Variants in PWP1 observed in about 807,000 individuals in gnomAD.
PWP1 encodes PWP1 homolog, endonuclein, also known as periodic tryptophan protein 1 homolog.
In PWP1, 47 loss-of-function variants were observed where a neutral mutation model predicts 69.9. That is an observed-to-expected ratio of 0.67 (90% CI 0.53 to 0.86). The LOEUF is 0.86. Ranked by LOEUF, PWP1 falls within the 40% of genes least tolerant of loss-of-function variation. PWP1 has a pLI of 0.00. For missense variants in PWP1, 551 were observed against 608.8 expected, an observed-to-expected ratio of 0.91 and a Z score of 1.00; for synonymous variants, 222 against 208.2, an observed-to-expected ratio of 1.07 and a Z score of -0.57.
chr12:107,688,660 A>G lies in PWP1; in HGVS notation c.177A>G (p.Ser59=). 4 of 1,614,238 alleles carry G rather than the reference A, an allele frequency of 2.5e-6. No homozygotes were observed. Among genetic ancestry groups the G allele is most frequent in the Non-Finnish European group, 3.4e-6 (4 of 1,180,028 alleles). The change falls in exon 3 of 15, where the codon TCA becomes TCG. Residue 59 remains serine (S), a synonymous_variant. Transcript: ENST00000412830. ...ATGAAGAGGAGACAGGCAGTCCTTC[A>G]GAAGATGGCATGCAGAGTGCACGCA... ...GSDEEETGSP[S]EDGMQSARTQ...
chr12:107,704,446 T>A (rs1889772768), intron 10 of PWP1, among the ~76,000 whole-genome samples, 190 bp from the exon 11 acceptor site: 1 of 152,228 alleles, frequency 6.6e-6, no homozygotes, highest in African/African-American at 2.4e-5. Flanking sequence ...ACCAGTGCCT[T>A]CAAGTGTTAA....
intron 11 of PWP1, among the ~76,000 whole-genome samples, chr12:107,707,007 C>T (rs1193473938): frequency 6.6e-6 from 1 of 152,018 alleles, no homozygotes; most frequent in Admixed American, 6.6e-5. Flanking sequence ...GCTATTTTCA[C>T]AATATTGATT....
chr12:107,692,928 T>C (rs1466224921), intron 4 of PWP1, 29 bp downstream of exon 4: 2 of 1,612,356 alleles, frequency 1.2e-6, no homozygotes, highest in African/African-American at 2.7e-5. Context: ...TTTCTAATTA[T>C]GCTCTTAAGT....
rs534781992 is a variant in PWP1, at chr12:107,693,000, G to T, written c.406G>T (p.Glu136Ter). ...QDPYVTLKDT[E>*]QYEREDFLIK... ...ATGACATTTTTTTCCTCTCACTTAG[G>T]AACAATATGAACGTGAAGATTTCTT... The change falls in exon 5 of 15, where the codon GAA (glutamate) becomes TAA (stop). Residue 136 changes from glutamate (E) to a stop codon, truncating the protein, a stop_gained and splice_region_variant. Coordinates refer to ENST00000412830, the MANE Select transcript of PWP1 (RefSeq NM_007062.3). LOFTEE classifies it high-confidence loss of function. 2 of 1,613,928 alleles carry T rather than the reference G, an allele frequency of 1.2e-6. No homozygotes were observed. Among genetic ancestry groups the T allele is most frequent in the African/African-American group, 2.7e-5 (2 of 74,996 alleles).
chr12:107,686,281 C>T (rs987403350), intron 1 of PWP1: 22 of 483,174 alleles, frequency 4.6e-5, no homozygotes, highest in Non-Finnish European at 7.6e-5. Flanking sequence ...TGGGTAATAC[C>T]CCAAAAGGCT....
At chr12:107,686,315 C>T (rs1267936165) in intron 1 of PWP1, among the ~76,000 whole-genome samples, 1 of 152,212 alleles carries the variant, frequency 6.6e-6, no homozygotes, top group Non-Finnish European at 1.5e-5. Flanking sequence ...ACTAGCTTCA[C>T]TAGCACCCAA....
intron 11 of PWP1, among the ~76,000 whole-genome samples, chr12:107,705,202 C>T (rs1005737424): frequency 6.6e-6 from 1 of 151,972 alleles, no homozygotes; most frequent in Non-Finnish European, 1.5e-5. Context: ...TCTAAATACC[C>T]TTATTATCTA....
rs768859333 is a variant in PWP1 at position 107,696,519 on chromosome 12, T to G, written c.548T>G (p.Leu183Arg). ...TCTTTTTATGTACACCATGATATAC[T>G]CTTGTCTGCATATCCTCTGAGTGTG... ...EDSFYVHHDILLSAYPLSVEW... is the reference protein window; with the variant it reads ...EDSFYVHHDIRLSAYPLSVEW... Residue 183 changes from leucine (L) to arginine (R), a missense_variant, in exon 6 of 15, where the codon CTC becomes CGC. Transcript: ENST00000412830. 6.2e-7 allele frequency: 1 copy of G among 1,614,032 alleles called. No homozygotes were observed. The highest frequency in any genetic ancestry group is 1.3e-5 in the African/African-American group (1 of 74,942).
Position 107,699,505 on chromosome 12 carries a change from C to G in PWP1, c.806+71C>G, listed in dbSNP as rs370184368. The G allele has an allele frequency of 1.6e-4, 196 of 1,243,602 alleles. No individual in the cohort carries two copies. The African/African-American group carries it at 2.8e-3, about 18-fold the overall frequency. The allele number at this position is 1,243,602 out of a possible 1,614,324, so 77.0% of individuals were successfully genotyped here. ...TGTGATCTTACCTCATGCCTACACT[C>G]ATCTCTTTATTTGTGCTGTGGACCT... is the stretch of plus-strand genomic sequence containing the variant. On this transcript the variant is annotated intron_variant, in intron 8 of 14. Coordinates refer to ENST00000412830, the MANE Select transcript of PWP1 (RefSeq NM_007062.3).
chr12:107,685,839 G>A lies in PWP1; in HGVS notation c.-61G>A. The A allele has an allele frequency of 1.3e-6, 2 of 1,570,808 alleles. No individual in the cohort carries two copies. Among genetic ancestry groups the A allele is most frequent in the Non-Finnish European group, 1.8e-6 (2 of 1,142,260 alleles). On this transcript the variant is annotated 5_prime_UTR_variant, in exon 1 of 15. Coordinates refer to ENST00000412830, the MANE Select transcript of PWP1 (RefSeq NM_007062.3). ...ATCCCTGAGCGTGTGGCAGCAGTGCGGTCGTGGTCCCTCCCTATGCAGCCT... is the reference window on the plus strand; with the variant it reads ...ATCCCTGAGCGTGTGGCAGCAGTGCAGTCGTGGTCCCTCCCTATGCAGCCT...
chr12:107,702,900 A>G (rs748549929), intron 8 of PWP1, 35 bp from the exon 9 acceptor site: 2 of 1,365,650 alleles, frequency 1.5e-6, no homozygotes, highest in Middle Eastern at 1.8e-4. Context: ...CTTGACTTTT[A>G]AAAGATTACC....
intron 3 of PWP1, among the ~76,000 whole-genome samples, chr12:107,689,158 A>G (rs1035726818): frequency 1.1e-4 from 16 of 152,176 alleles, no homozygotes; most frequent in African/African-American, 3.6e-4. Flanking sequence ...CTCACAATAC[A>G]GTAGTCCCCC....
chr12:107,688,502 T>C lies in PWP1; in HGVS notation c.127T>C (p.Leu43=), dbSNP rs1180071855. Residue 43 remains leucine, a synonymous_variant, in exon 2 of 15, where the codon TTG becomes CTG. Coordinates refer to ENST00000412830, the MANE Select transcript of PWP1 (RefSeq NM_007062.3). The part of the protein sequence containing the change: ...KRLIAEAKEK[L]QEEGGGSDEE... ...CCTCATTGCTGAGGCAAAGGAGAAA[T>C]TGCAGTAAGTTTAGGACCAGATGAA... 2 of 1,613,988 alleles carry C rather than the reference T, an allele frequency of 1.2e-6. No individual in the cohort carries two copies. Among genetic ancestry groups the C allele is most frequent in the Non-Finnish European group, 8.5e-7 (1 of 1,179,948 alleles).
chr12:107,688,595 T>TGA lies in PWP1; in HGVS notation c.132-20_132-19insGA. On this transcript the variant is annotated intron_variant, in intron 2 of 14. Transcript: ENST00000412830. ...GAAGGTAGCATTTGGGTGATTCTCT[T>TGA]TTTCTTTCTGTGCTCATAGAGAAGA... 6.2e-7 allele frequency: 1 copy of TGA among 1,611,900 alleles called. No homozygotes were observed.
rs1341263184 is a variant in PWP1 at position 107,685,913 on chromosome 12, G to C, written c.14G>C (p.Arg5Pro). MNRS[R>P]QVTCVAWVRC... Reference sequence around the variant, plus strand: ...GACTTGAGGACCATGAACCGCAGCCGCCAGGTGACGTGCGTGGCCTGGGTC... The same window carrying C: ...GACTTGAGGACCATGAACCGCAGCCCCCAGGTGACGTGCGTGGCCTGGGTC... The change falls in exon 1 of 15, where the codon CGC becomes CCC. Residue 5 changes from arginine (R) to proline (P), a missense_variant. By Grantham distance (103) the Arg-to-Pro change is moderately radical (BLOSUM62 -2). Transcript: ENST00000412830. 6.2e-7 allele frequency: 1 copy of C among 1,613,754 alleles called. No individual in the cohort carries two copies. The highest frequency in any genetic ancestry group is 8.5e-7 in the Non-Finnish European group (1 of 1,179,972).
intron 5 of PWP1, 110 bp downstream of exon 5, chr12:107,693,206 T>C: frequency 7.0e-7 from 1 of 1,434,430 alleles, no homozygotes; most frequent in East Asian, 2.5e-5. Flanking sequence ...CTCATTTAAG[T>C]TGGTTACATA....
chr12:107,693,246 T>C lies in PWP1; in HGVS notation c.502+150T>C, dbSNP rs540704027. The C allele has an allele frequency of 2.8e-5, 33 of 1,198,182 alleles. 1 individual carries two copies. In the East Asian group the frequency reaches 8.6e-4, roughly 31 times the overall value. 74.2% of individuals were successfully genotyped at this position (1,198,182 alleles called of 1,614,324 possible). On this transcript the variant is annotated intron_variant, in intron 5 of 14. Transcript: ENST00000412830. The stretch of plus-strand genomic sequence containing the variant: ...ACTTTTACACAGGTGGCCAATTTCT[T>C]GGTTATTGTTCTGGGTATGTGTAGT...
intron 14 of PWP1, among the ~76,000 whole-genome samples, chr12:107,711,761 C>G (rs1186593329): frequency 6.6e-6 from 1 of 151,962 alleles, no homozygotes; most frequent in African/African-American, 2.4e-5. Context: ...AGTCCTAAGT[C>G]CGAAAAGTTC....
intron 14 of PWP1, 29 bp from the exon 15 acceptor site, chr12:107,712,078 TGTTA>T (rs750102470): frequency 9.8e-6 from 15 of 1,534,632 alleles, no homozygotes; most frequent in Non-Finnish European, 1.2e-5. Context: ...TTTCCTGATC[TGTTA>T]GTTTCTTACC....
Sources: gnomAD v4.1 joint callset for allele counts (sites outside exome capture counted in the v4.1 genomes callset) on GRCh38, gnomAD v4.1.1 for gene constraint, MANE v1.5 for transcripts, NCBI Gene and HGNC (gene_info 2026-07-23, HGNC 2026-07-21) for gene names.